The following PIK3CD variants were observed in gnomAD, a reference collection of about 807,000 sequenced individuals.
The protein encoded by PIK3CD is phosphatidylinositol 4,5-bisphosphate 3-kinase catalytic subunit delta isoform.
Under a neutral mutation model 122.9 loss-of-function variants are expected in PIK3CD, and 20 were observed. The ratio of observed to expected loss-of-function variants is 0.16; its 90% CI spans 0.11 to 0.24. PIK3CD has a LOEUF of 0.24. PIK3CD is among the 10% of genes least tolerant of loss of function. PIK3CD has a pLI of 1.00. For missense variants in PIK3CD, 787 were observed against 1,406.3 expected (o/e 0.56, Z 7.04); for synonymous variants, 596 against 593.4 (o/e 1.00, Z -0.06).
Position 9,720,985 on chromosome 1 carries a change from G to C in PIK3CD, c.1689+76G>C. The C allele has an allele frequency of 6.7e-7, 1 of 1,495,286 alleles. No homozygotes were observed. The allele number at this position is 1,495,286 out of a possible 1,614,324, so 92.6% of individuals were successfully genotyped here. On this transcript the variant is annotated intron_variant, in intron 13 of 23. Coordinates refer to ENST00000377346, the MANE Select transcript of PIK3CD (RefSeq NM_005026.5). This position sits in a 1 kb window ranked among gnomAD's most constrained non-coding sequence, Gnocchi z 9.0. ...CTGGCTACCCACCACCCTGACCCCG[G>C]CCAACCCCCACCCTCACCCTGGCCA...
intron 2 of PIK3CD, among the ~76,000 whole-genome samples, chr1:9,693,259 C>G (rs552050573): frequency 7.9e-5 from 12 of 152,252 alleles, no homozygotes; most frequent in Middle Eastern, 6.8e-3. Flanking sequence ...GAGTCTTGCT[C>G]TGTCACCCAG....
chr1:9,663,133 G>C (rs1645056096), intron 1 of PIK3CD, among the ~76,000 whole-genome samples: 2 of 152,134 alleles, frequency 1.3e-5, no homozygotes, highest in Non-Finnish European at 2.9e-5. Context: ...TTCTGTTCTG[G>C]TTTGGCTCTG....
the PIK3CD span, among the ~76,000 whole-genome samples, chr1:9,632,997 GACT>G: frequency 3.3e-5 from 5 of 151,762 alleles, no homozygotes; most frequent in East Asian, 9.7e-4. Context: ...GAGTAGCTGA[GACT>G]ACAGGTGCCT....
In PIK3CD at chr1:9,717,885, G is replaced by A. The variant is rs1419178397; in HGVS notation, c.1020+259G>A. Among the ~76,000 whole-genome samples the A allele has an allele frequency of 6.6e-6, 1 of 152,164 alleles. No homozygotes were observed. Among genetic ancestry groups the A allele is most frequent in the Non-Finnish European group, 1.5e-5 (1 of 68,042 alleles). Reference sequence around the variant, plus strand: ...GTATTTGACTTTGGTGGAGGTTATGGGGCCAGGTTCAGCCCAGGGATCCGG... The same window carrying A: ...GTATTTGACTTTGGTGGAGGTTATGAGGCCAGGTTCAGCCCAGGGATCCGG... On this transcript the variant is annotated intron_variant, in intron 8 of 23. Transcript: ENST00000377346. The surrounding 1 kb of genome is among the most constrained non-coding windows in gnomAD (Gnocchi z 5.4).
At chr1:9,632,896 C>G in the PIK3CD span, among the ~76,000 whole-genome samples, 1 of 145,502 alleles carries the variant, frequency 6.9e-6, no homozygotes, top group South Asian at 2.2e-4. Flanking sequence ...GAGTCTCGCT[C>G]TGTTGCCCAG....
chr1:9,637,906 C>A, the PIK3CD span, among the ~76,000 whole-genome samples: 1 of 151,982 alleles, frequency 6.6e-6, no homozygotes, highest in Non-Finnish European at 1.5e-5. Context: ...GACTTCGAGA[C>A]CAGCCTGGCC....
chr1:9,675,278 C>T (rs1397757983), intron 1 of PIK3CD, among the ~76,000 whole-genome samples: 3 of 143,222 alleles, frequency 2.1e-5, no homozygotes, highest in African/African-American at 5.2e-5. Flanking sequence ...CCCAGCTACT[C>T]GGGAGGCTGA....
intron 1 of PIK3CD, among the ~76,000 whole-genome samples, chr1:9,680,224 C>G (rs1645697544): frequency 6.8e-6 from 1 of 147,940 alleles, no homozygotes. Context: ...GATCCTCCCA[C>G]CTCGGCCTCC....
At chr1:9,702,532 T>C (rs1334985965) in intron 2 of PIK3CD, among the ~76,000 whole-genome samples, 1 of 117,924 alleles carries the variant, frequency 8.5e-6, no homozygotes, top group Non-Finnish European at 1.7e-5. Flanking sequence ...TTTTTTTTTT[T>C]TTTTTGAGGC....
chr1:9,693,136 C>T (rs779586564), intron 2 of PIK3CD, among the ~76,000 whole-genome samples: 11 of 152,170 alleles, frequency 7.2e-5, no homozygotes, highest in Admixed American at 1.3e-4. Context: ...CCACCCCGCA[C>T]CAGAGAAAAC....
chr1:9,716,393 C>T (rs781107019), intron 5 of PIK3CD, 47 bp from the exon 6 acceptor site: 1 of 1,594,550 alleles, frequency 6.3e-7, no homozygotes, highest in Non-Finnish European at 8.6e-7. Flanking sequence ...GCCCCAGAAC[C>T]CCGGGGGGCC....
At chr1:9,721,389 T>G in intron 14 of PIK3CD, 55 bp from the exon 15 acceptor site, 1 of 1,610,498 alleles carries the variant, frequency 6.2e-7, no homozygotes, top group Non-Finnish European at 8.5e-7. Flanking sequence ...CCGAGGGAGC[T>G]CCCTCCTGTC....
the PIK3CD span, among the ~76,000 whole-genome samples, chr1:9,633,117 T>C: frequency 2.6e-5 from 4 of 152,094 alleles, no homozygotes; most frequent in African/African-American, 9.7e-5. Flanking sequence ...CGCCTCGGCC[T>C]CCCATAGTGC....
Position 9,719,685 on chromosome 1 carries a change from G to A in PIK3CD, c.1243-236G>A, listed in dbSNP as rs1648173154. On this transcript the variant is annotated intron_variant, in intron 9 of 23. Coordinates refer to ENST00000377346, the MANE Select transcript of PIK3CD (RefSeq NM_005026.5). This position sits in a 1 kb window ranked among gnomAD's most constrained non-coding sequence, Gnocchi z 5.5. ...CAAAAAAAAAAAAAAGCCTGAGTAG[G>A]GGTGAGGTGGGAACAGGAGGGTGCA... is the stretch of plus-strand genomic sequence containing the variant. Among the ~76,000 whole-genome samples, 1 of 151,914 alleles carries A rather than the reference G, an allele frequency of 6.6e-6. No homozygotes were observed. Among genetic ancestry groups the A allele is most frequent in the Non-Finnish European group, 1.5e-5 (1 of 67,946 alleles).
At chr1:9,702,774 G>C (rs1015602541) in intron 2 of PIK3CD, among the ~76,000 whole-genome samples, 24 of 152,058 alleles carry the variant, frequency 1.6e-4, no homozygotes, top group African/African-American at 5.6e-4. Flanking sequence ...ACCTGCCTCA[G>C]CCTCCCAAAG....
intron 1 of PIK3CD, among the ~76,000 whole-genome samples, chr1:9,684,783 G>C (rs1645901229): frequency 6.8e-6 from 1 of 147,758 alleles, no homozygotes. Flanking sequence ...GAGTCCACAA[G>C]GTCAAGCACC....
chr1:9,642,497 C>A, the PIK3CD span, among the ~76,000 whole-genome samples: 4 of 150,076 alleles, frequency 2.7e-5, no homozygotes, highest in East Asian at 8.0e-4. Flanking sequence ...GCGGGTGGAT[C>A]ACGAGGTCAG....
intron 23 of PIK3CD, 77 bp from the exon 24 acceptor site, chr1:9,726,821 CAGTGACTCTGA>C: frequency 6.6e-7 from 1 of 1,524,242 alleles, no homozygotes; most frequent in Non-Finnish European, 9.0e-7. Context: ...CCATTTCATT[CAGTGACTCTGA>C]AGTCCCCAGA....
chr1:9,666,154 C>A (rs1388736080), intron 1 of PIK3CD, among the ~76,000 whole-genome samples: 1 of 150,994 alleles, frequency 6.6e-6, no homozygotes, highest in African/African-American at 2.4e-5. Flanking sequence ...TCTCGAACTC[C>A]TGACCTCAGT....
Sources: gnomAD v4.1 joint callset for allele counts (sites outside exome capture counted in the v4.1 genomes callset) on GRCh38, gnomAD v4.1.1 for gene constraint, Gnocchi (gnomAD v3.1) non-coding constraint, MANE v1.5 for transcripts, NCBI Gene and HGNC (gene_info 2026-07-23, HGNC 2026-07-21) for gene names.